PRXL2A: variants seen among roughly 807,000 people sequenced by gnomAD.
PRXL2A encodes peroxiredoxin like 2A, also known as peroxiredoxin-like 2A.
In PRXL2A, 26 loss-of-function variants were observed where a neutral mutation model predicts 25.6. The observed-to-expected ratio is 1.02, with a 90% CI of 0.74 to 1.41. The LOEUF (loss-of-function observed/expected upper bound fraction) is 1.41. PRXL2A is among the 40% of genes most tolerant of loss of function. The pLI is 0.00. For synonymous variants in PRXL2A, 98 were observed against 102.9 expected, an observed-to-expected ratio of 0.95 and a Z score of 0.29; for missense variants, 246 against 273.9, an observed-to-expected ratio of 0.90 and a Z score of 0.72.
chr10:80,413,158 A>G (rs1222496670), intron 1 of PRXL2A, among the ~76,000 whole-genome samples: 1 of 128,598 alleles, frequency 7.8e-6, no homozygotes, highest in African/African-American at 2.9e-5. Flanking sequence ...CCCCCCATCT[A>G]CTGAGCCATG....
chr10:80,409,278 C>A (rs146222399), intron 1 of PRXL2A, among the ~76,000 whole-genome samples: 29 of 152,300 alleles, frequency 1.9e-4, no homozygotes, highest in Non-Finnish European at 3.5e-4. Flanking sequence ...GATGAACAAT[C>A]TGCCCCCAGG....
Position 80,427,358 on chromosome 10 carries a change from G to A in PRXL2A, c.438G>A (p.Arg146=). 6.2e-7 allele frequency: 1 copy of A among 1,614,150 alleles called. No homozygotes were observed. The highest frequency in any genetic ancestry group is 1.1e-5 in the South Asian group (1 of 91,080). The change falls in exon 5 of 6, where the codon CGG becomes CGA. Residue 146 remains arginine (R), a synonymous_variant. Transcript: ENST00000606162. ...AAAAGTTCTATGGTCCACAAAGGCG[G>A]AAGATGATGTTTATGGGATTTATCC... ...EKKKFYGPQR[R]KMMFMGFIRL...
At chr10:80,408,909 C>G (rs986165537) in intron 1 of PRXL2A, 2 of 380,824 alleles carry the variant, frequency 5.3e-6, no homozygotes, top group African/African-American at 4.4e-5. Context: ...GACGGGGACC[C>G]GGCGCTGCTG....
chr10:80,423,040 G>C (rs1188894043), intron 3 of PRXL2A, among the ~76,000 whole-genome samples: 1 of 152,206 alleles, frequency 6.6e-6, no homozygotes, highest in East Asian at 1.9e-4. Flanking sequence ...CCTCCTTGCT[G>C]TGTGCTCTCA....
intron 1 of PRXL2A, among the ~76,000 whole-genome samples, chr10:80,413,080 A>T (rs1844527335): frequency 6.6e-6 from 1 of 152,144 alleles, no homozygotes; most frequent in Non-Finnish European, 1.5e-5. Context: ...TCCTGAGTCG[A>T]TGTAGGCAGT....
chr10:80,412,222 GAGTGTCTTCATACCTTA>G (rs1476249199), intron 1 of PRXL2A, among the ~76,000 whole-genome samples: 6 of 152,096 alleles, frequency 3.9e-5, no homozygotes, highest in African/African-American at 1.4e-4. Flanking sequence ...TCCAGGCCCC[GAGTGTCTTCATACCTTA>G]AGTCAGATTG....
rs747886453 is a variant in PRXL2A at position 80,420,682 on chromosome 10, A to G, written c.178+37A>G. ...CCCTTCAGGTCTCAGTACTTTTCCA[A>G]GGAGCTGGGATACAGGCTTACTGCT... On this transcript the variant is annotated intron_variant, in intron 2 of 5. Coordinates refer to ENST00000606162, the MANE Select transcript of PRXL2A (RefSeq NM_032333.5). 5 of 1,452,856 alleles carry G rather than the reference A, an allele frequency of 3.4e-6. 1 individual carries two copies. In the African/African-American group the frequency reaches 4.3e-5, roughly 12 times the overall value. 90.0% of individuals were successfully genotyped at this position (1,452,856 alleles called of 1,614,324 possible).
intron 3 of PRXL2A, among the ~76,000 whole-genome samples, chr10:80,422,832 GCTCAGCACA>G (rs1844918211): frequency 6.6e-6 from 1 of 152,094 alleles, no homozygotes; most frequent in South Asian, 2.1e-4. Context: ...TGCTTCTGAT[GCTCAGCACA>G]GATATATGAT....
intron 1 of PRXL2A, chr10:80,420,027 G>C (rs1844805161): frequency 1.8e-5 from 18 of 985,784 alleles, no homozygotes; most frequent in Non-Finnish European, 2.2e-5. Flanking sequence ...AGAGAAAGCT[G>C]CCCCTACCCA....
chr10:80,426,007 G>T lies in PRXL2A; in HGVS notation c.411+1G>T, dbSNP rs1175793794. 8 of 1,614,078 alleles carry T rather than the reference G, an allele frequency of 5.0e-6. No individual in the cohort carries two copies. Among genetic ancestry groups the T allele is most frequent in the East Asian group, 2.2e-5 (1 of 44,894 alleles). On this transcript the variant is annotated splice_donor_variant, in intron 4 of 5. Coordinates refer to ENST00000606162, the MANE Select transcript of PRXL2A (RefSeq NM_032333.5). LOFTEE classifies it high-confidence loss of function. ...AGGAGAAATCTTCCTGGATGAAAAGGTGTGTGTGATGGGAGGCTTTTAGAC... is the reference window on the plus strand; with the variant it reads ...AGGAGAAATCTTCCTGGATGAAAAGTTGTGTGTGATGGGAGGCTTTTAGAC...
At chr10:80,419,946 A>G in intron 1 of PRXL2A, 1 of 984,198 alleles carries the variant, frequency 1.0e-6, no homozygotes, top group Non-Finnish European at 1.2e-6. Context: ...GAGGGTCGTC[A>G]AACTAAAGAG....
intron 5 of PRXL2A, among the ~76,000 whole-genome samples, chr10:80,429,114 C>T (rs530652983): frequency 6.8e-6 from 1 of 147,122 alleles, no homozygotes; most frequent in East Asian, 1.9e-4. Context: ...TCATGATCTG[C>T]CCGCCTCAGC....
At chr10:80,411,625 T>A (rs149863854) in intron 1 of PRXL2A, among the ~76,000 whole-genome samples, 2 of 152,234 alleles carry the variant, frequency 1.3e-5, no homozygotes, top group Non-Finnish European at 2.9e-5. Context: ...GCTCCTTCTC[T>A]GAGCTTTAGT....
At chr10:80,418,995 C>CT (rs11458597) in intron 1 of PRXL2A, among the ~76,000 whole-genome samples, 4,974 of 151,398 alleles carry the variant, frequency 0.033, 97 homozygotes, top group African/African-American at 0.045. Context: ...TCTTTTCTTT[C>CT]TTTTTTTTTG....
At chr10:80,418,147 T>C (rs955209505) in intron 1 of PRXL2A, among the ~76,000 whole-genome samples, 2 of 152,052 alleles carry the variant, frequency 1.3e-5, no homozygotes, top group South Asian at 4.2e-4. Flanking sequence ...GTGACCCTTA[T>C]ACCTGATAGG....
intron 5 of PRXL2A, among the ~76,000 whole-genome samples, chr10:80,431,407 C>T (rs1645648664): frequency 6.6e-6 from 1 of 151,688 alleles, no homozygotes; most frequent in Admixed American, 6.6e-5. Flanking sequence ...TTCCTTGATG[C>T]TGATCTCAAA....
rs755587236 is a variant in PRXL2A at position 80,425,935 on chromosome 10, A to T, written c.340A>T (p.Lys114Ter). 9.3e-6 allele frequency: 15 copies of T among 1,614,214 alleles called. No individual in the cohort carries two copies. Among genetic ancestry groups the T allele is most frequent in the Non-Finnish European group, 1.2e-5 (14 of 1,180,028 alleles). Reference protein sequence around the residue: ...QLGVPLYAVVKEHIRTEVKDF... With the variant: ...QLGVPLYAVV ...GGGCGTCCCCCTCTATGCAGTGGTAAAGGAGCACATCAGGACTGAAGTGAA... is the reference window on the plus strand; with the variant it reads ...GGGCGTCCCCCTCTATGCAGTGGTATAGGAGCACATCAGGACTGAAGTGAA... Residue 114 changes from lysine to a stop codon, truncating the protein, a stop_gained, in exon 4 of 6, where the codon AAG (lysine) becomes TAG (stop). Transcript: ENST00000606162. LOFTEE classifies it high-confidence loss of function.
intron 1 of PRXL2A, among the ~76,000 whole-genome samples, chr10:80,418,399 G>A (rs529714648): frequency 1.3e-5 from 2 of 152,008 alleles, no homozygotes; most frequent in Non-Finnish European, 2.9e-5. Flanking sequence ...TTTCCATGTG[G>A]CTTCAATGCT....
In PRXL2A at chr10:80,434,097, C is replaced by T. The variant is rs916104109; in HGVS notation, c.*1998C>T. On this transcript the variant is annotated 3_prime_UTR_variant, in exon 6 of 6. Coordinates refer to ENST00000606162, the MANE Select transcript of PRXL2A (RefSeq NM_032333.5). ...GCAGTGAGCCGAGATCGTGCCACTG[C>T]ACTCCAGCTTGGGCAACAAGAGCGA... The T allele has an allele frequency of 6.6e-6, 1 of 152,418 alleles. No individual in the cohort carries two copies. Among genetic ancestry groups the T allele is most frequent in the South Asian group, 2.1e-4 (1 of 4,824 alleles). The allele number at this position is 152,418 out of a possible 1,614,324, so 9.4% of individuals were successfully genotyped here.
Sources: allele counts gnomAD v4.1 joint callset (sites outside exome capture counted in the v4.1 genomes callset), GRCh38; gene constraint gnomAD v4.1.1; transcripts MANE v1.5; gene names NCBI Gene and HGNC (gene_info 2026-07-23, HGNC 2026-07-21).